Variants in C4orf17 observed in about 807,000 individuals in gnomAD.
C4orf17 encodes chromosome 4 open reading frame 17, also known as uncharacterized protein C4orf17.
A neutral mutation model predicts 32.0 loss-of-function variants in C4orf17; 25 were observed. The ratio of observed to expected loss-of-function variants is 0.78; its 90% CI spans 0.57 to 1.09. C4orf17 has a LOEUF of 1.09. C4orf17 is among the 50% of genes least tolerant of loss of function. The pLI, the probability that C4orf17 is intolerant of heterozygous loss-of-function variation, is 0.00. For missense variants in C4orf17, 420 were observed against 420.0 expected (o/e 1.00, Z 0.00); for synonymous variants, 149 against 145.8 (o/e 1.02, Z -0.16).
chr4:99,541,963 G>C lies in C4orf17; in HGVS notation c.934G>C (p.Val312Leu). ...LIRRNNMKIP[V>L]AEYFSKPNSP... ...AAGAAGAAATAATATGAAAATACCTGTTGCAGAATATTTCAGCAAACCAAA... is the reference window on the plus strand; with the variant it reads ...AAGAAGAAATAATATGAAAATACCTCTTGCAGAATATTTCAGCAAACCAAA... The change falls in exon 9 of 9, where the codon GTT (valine) becomes CTT (leucine). Residue 312 changes from valine to leucine, a missense_variant. Physicochemically the swap from Val to Leu is conservative, Grantham distance 32. Transcript: ENST00000326581. 1.2e-6 allele frequency: 2 copies of C among 1,613,846 alleles called. No individual in the cohort carries two copies. Among genetic ancestry groups the C allele is most frequent in the Non-Finnish European group, 1.7e-6 (2 of 1,179,894 alleles).
Position 99,539,303 on chromosome 4 carries a change from T to C in C4orf17, c.769T>C (p.Leu257=), listed in dbSNP as rs775613945. The change falls in exon 7 of 9, where the codon TTG becomes CTG. Residue 257 remains leucine, a synonymous_variant. Transcript: ENST00000326581. The part of the protein sequence containing the change: ...PTVKSPPTVK[L]PPNFTAKSKV... ...AGTTAAATCACCACCCACAGTTAAA[T>C]TGCCCCCAAATTTTACTGCAAAATC... The C allele has an allele frequency of 4.3e-6, 7 of 1,614,070 alleles. No individual in the cohort carries two copies. The highest frequency in any genetic ancestry group is 1.7e-5 in the Admixed American group (1 of 60,016).
rs533356082 is a variant in C4orf17 at position 99,524,146 on chromosome 4, A to AT, written c.338-368dup. 1.4e-4 allele frequency among the ~76,000 whole-genome samples: 21 copies of AT among 151,774 alleles called. No individual in the cohort carries two copies. The South Asian group carries it at 2.3e-3, about 17-fold the overall frequency. On this transcript the variant is annotated intron_variant, in intron 3 of 8. Coordinates refer to ENST00000326581, the MANE Select transcript of C4orf17 (RefSeq NM_032149.3). ...AGGCGCCCGCCACCACGCCCGGCTA[A>AT]TTTTTTTGTATTTTTTAGTGGAGAT...
Position 99,513,145 on chromosome 4 carries a change from A to G in C4orf17, c.64A>G (p.Arg22Gly). 1 of 1,613,950 alleles carries G rather than the reference A, an allele frequency of 6.2e-7. No homozygotes were observed. The highest frequency in any genetic ancestry group is 8.5e-7 in the Non-Finnish European group (1 of 1,179,840). ...GGGCAAAGGCAGCCATATTATGGCT[A>G]GAAATGTAAGCTGCTTTCTAGTCAG... ...IEGKGSHIMA[R>G]NVSCFLVRHT... The change falls in exon 2 of 9, where the codon AGA becomes GGA. Residue 22 changes from arginine to glycine, a missense_variant. Coordinates refer to ENST00000326581, the MANE Select transcript of C4orf17 (RefSeq NM_032149.3).
chr4:99,521,215 T>C (rs116446786), intron 2 of C4orf17, among the ~76,000 whole-genome samples: 1,630 of 151,936 alleles, frequency 0.011, 31 homozygotes, highest in African/African-American at 0.037. Context: ...CTACCAAAGA[T>C]ACAAAAAATT....
intron 3 of C4orf17, among the ~76,000 whole-genome samples, chr4:99,524,183 G>A (rs558155262): frequency 3.9e-5 from 6 of 151,950 alleles, no homozygotes; most frequent in South Asian, 4.2e-4. Flanking sequence ...GGACTTCACC[G>A]TGTTAGCCAG....
intron 2 of C4orf17, 30 bp from the exon 3 acceptor site, chr4:99,522,470 T>C (rs1182614659): frequency 6.4e-7 from 1 of 1,551,618 alleles, no homozygotes; most frequent in Non-Finnish European, 8.9e-7. Flanking sequence ...TTGCTTGATC[T>C]GTCTCTTTTT....
intron 4 of C4orf17, among the ~76,000 whole-genome samples, chr4:99,528,481 C>T (rs371294861): frequency 2.0e-5 from 3 of 152,212 alleles, no homozygotes; most frequent in East Asian, 3.9e-4. Flanking sequence ...TTTGTATATA[C>T]CATTTTCACT....
At position 99,542,210 on chromosome 4, in the gene C4orf17, G is replaced by T. The variant is rs1250002353; in HGVS notation, c.*101G>T. Reference sequence around the variant, plus strand: ...ATTTTTGGTATTGAGGAATCAAGTGGTCCTCTTTATGGTGGCACATGTAAA... The same window carrying T: ...ATTTTTGGTATTGAGGAATCAAGTGTTCCTCTTTATGGTGGCACATGTAAA... On this transcript the variant is annotated 3_prime_UTR_variant, in exon 9 of 9. Coordinates refer to ENST00000326581, the MANE Select transcript of C4orf17 (RefSeq NM_032149.3). 3.0e-6 allele frequency: 3 copies of T among 1,012,028 alleles called. No homozygotes were observed. Among genetic ancestry groups the T allele is most frequent in the Non-Finnish European group, 3.0e-6 (2 of 656,172 alleles). 62.7% of individuals were successfully genotyped at this position (1,012,028 alleles called of 1,614,324 possible).
At chr4:99,511,577 A>G (rs1277929874) in intron 1 of C4orf17, among the ~76,000 whole-genome samples, 2 of 152,154 alleles carry the variant, frequency 1.3e-5, no homozygotes, top group African/African-American at 4.8e-5. Context: ...TAGGCAATAA[A>G]ACAATTAATC....
At chr4:99,517,095 T>C (rs1280405277) in intron 2 of C4orf17, among the ~76,000 whole-genome samples, 3 of 152,230 alleles carry the variant, frequency 2.0e-5, no homozygotes, top group Admixed American at 2.0e-4. Context: ...AACCTAGAGC[T>C]GGCTTGCTCC....
At chr4:99,516,763 G>A (rs928242431) in intron 2 of C4orf17, among the ~76,000 whole-genome samples, 1 of 152,152 alleles carries the variant, frequency 6.6e-6, no homozygotes, top group Non-Finnish European at 1.5e-5. Context: ...CCAGATTTAG[G>A]CAGGCTCTGG....
chr4:99,538,982 C>T (rs1329341416), intron 6 of C4orf17, among the ~76,000 whole-genome samples, 181 bp from the exon 7 acceptor site: 1 of 152,150 alleles, frequency 6.6e-6, no homozygotes, highest in Non-Finnish European at 1.5e-5. Context: ...TATCACAGGT[C>T]AACAGAAACT....
intron 6 of C4orf17, among the ~76,000 whole-genome samples, chr4:99,538,110 G>A (rs1293691383): frequency 1.3e-5 from 2 of 152,170 alleles, no homozygotes; most frequent in African/African-American, 4.8e-5. Flanking sequence ...TGAACACAAA[G>A]CTTATTTCTT....
chr4:99,538,706 GA>G (rs1370038537), intron 6 of C4orf17, among the ~76,000 whole-genome samples: 1 of 151,822 alleles, frequency 6.6e-6, no homozygotes, highest in African/African-American at 2.4e-5. Flanking sequence ...AGATGAGACA[GA>G]AAAAAAATAA....
At chr4:99,511,924 TA>T (rs1723100000) in intron 1 of C4orf17, among the ~76,000 whole-genome samples, 1 of 152,178 alleles carries the variant, frequency 6.6e-6, no homozygotes. Flanking sequence ...TTAGTATTTA[TA>T]TATATCAAAC....
rs115978030 is a variant in C4orf17, at chr4:99,535,247, G to C, written c.547-2422G>C. Among the ~76,000 whole-genome samples, 326 of 152,206 alleles carry C rather than the reference G, an allele frequency of 2.1e-3. 1 individual carries two copies. Among genetic ancestry groups the C allele is most frequent in the Non-Finnish European group, 3.9e-3 (266 of 67,990 alleles). On this transcript the variant is annotated intron_variant, in intron 5 of 8. Coordinates refer to ENST00000326581, the MANE Select transcript of C4orf17 (RefSeq NM_032149.3). ...GATCTTCTCATGGAGTATCTTACCAGGGTTCTCCAGATTTCCTGAATTTGA... is the reference window on the plus strand; with the variant it reads ...GATCTTCTCATGGAGTATCTTACCACGGTTCTCCAGATTTCCTGAATTTGA...
intron 2 of C4orf17, among the ~76,000 whole-genome samples, chr4:99,514,777 G>A (rs1197608556): frequency 6.6e-6 from 1 of 152,034 alleles, no homozygotes; most frequent in Non-Finnish European, 1.5e-5. Flanking sequence ...AGGAAAATAA[G>A]TCATTATATG....
intron 6 of C4orf17, 106 bp from the exon 7 acceptor site, chr4:99,539,056 AT>A (rs1723609719): frequency 7.8e-6 from 8 of 1,030,792 alleles, no homozygotes; most frequent in Non-Finnish European, 1.0e-5. Flanking sequence ...TATCCAGAAA[AT>A]AGATGACCAG....
intron 4 of C4orf17, among the ~76,000 whole-genome samples, chr4:99,528,714 A>G (rs1723430253): frequency 6.6e-6 from 1 of 152,196 alleles, no homozygotes; most frequent in South Asian, 2.1e-4. Flanking sequence ...GAAAAGTGAG[A>G]GCCAAGTAAA....
Sources: gnomAD v4.1 joint callset for allele counts (sites outside exome capture counted in the v4.1 genomes callset) on GRCh38, gnomAD v4.1.1 for gene constraint, MANE v1.5 for transcripts, NCBI Gene and HGNC (gene_info 2026-07-23, HGNC 2026-07-21) for gene names.